Variants in PLPP4 observed in about 807,000 individuals in gnomAD.
The protein encoded by PLPP4 is phospholipid phosphatase 4.
In PLPP4, 20 loss-of-function variants were observed where a neutral mutation model predicts 32.2. The observed-to-expected ratio is 0.62, with a 90% CI of 0.44 to 0.90. The LOEUF (loss-of-function observed/expected upper bound fraction) is 0.90. Ranked by LOEUF, PLPP4 falls within the 40% of genes least tolerant of loss-of-function variation. The pLI, the probability that PLPP4 is intolerant of heterozygous loss-of-function variation, is 0.00. For missense variants in PLPP4, 257 were observed against 353.1 expected (o/e 0.73, Z 2.18); for synonymous variants, 127 against 133.0 (o/e 0.95, Z 0.31).
At position 120,526,716 on chromosome 10, in the gene PLPP4, A is replaced by G. The variant is rs571143916; in HGVS notation, c.445+5621A>G. On this transcript the variant is annotated intron_variant, in intron 5 of 6. Transcript: ENST00000398250. ...GTCTTCCTCAAAAGTTGGAAAGGGG[A>G]TGGTTTCCTGGCTTTGAAGGAGGGG... 1.1e-3 allele frequency among the ~76,000 whole-genome samples: 173 copies of G among 152,252 alleles called. 1 individual carries two copies. The highest frequency in any genetic ancestry group is 1.8e-3 in the Non-Finnish European group (123 of 68,014).
At chr10:120,521,963 A>G (rs1319753248) in intron 5 of PLPP4, among the ~76,000 whole-genome samples, 1 of 152,242 alleles carries the variant, frequency 6.6e-6, no homozygotes, top group African/African-American at 2.4e-5. Context: ...GGCTTGTGCC[A>G]TCATCCATTC....
intron 5 of PLPP4, among the ~76,000 whole-genome samples, chr10:120,558,532 G>A (rs1163765300): frequency 6.6e-6 from 1 of 150,714 alleles, no homozygotes; most frequent in Non-Finnish European, 1.5e-5. Flanking sequence ...TCTCCTGCCT[G>A]AGCCTCCTGA....
At chr10:120,461,517 T>A (rs2133770007) in intron 1 of PLPP4, among the ~76,000 whole-genome samples, 1 of 152,266 alleles carries the variant, frequency 6.6e-6, no homozygotes, top group African/African-American at 2.4e-5. Context: ...TGGCTCTCTG[T>A]CTGCAGGGTC....
intron 1 of PLPP4, among the ~76,000 whole-genome samples, chr10:120,497,500 A>G (rs1014131449): frequency 2.6e-5 from 4 of 152,118 alleles, no homozygotes; most frequent in Non-Finnish European, 5.9e-5. Context: ...TATAATTATA[A>G]GCTTTAAGGA....
In PLPP4 at chr10:120,457,323, T is replaced by C. The variant is rs1847828150; in HGVS notation, c.18T>C (p.Ile6=). MRELA[I]EIGVRALLFG... is the part of the protein sequence containing the mutation. Reference sequence around the variant, plus strand: ...GCCGCACCATGCGGGAGCTGGCCATTGAGATCGGGGTGCGAGCCCTGCTCT... The same window carrying C: ...GCCGCACCATGCGGGAGCTGGCCATCGAGATCGGGGTGCGAGCCCTGCTCT... The change falls in exon 1 of 7, where the codon ATT becomes ATC. Residue 6 remains isoleucine (I), a synonymous_variant. Transcript: ENST00000398250. 6.6e-7 allele frequency: 1 copy of C among 1,521,914 alleles called. No individual in the cohort carries two copies. Among genetic ancestry groups the C allele is most frequent in the Admixed American group, 2.1e-5 (1 of 48,614 alleles). The allele number at this position is 1,521,914 out of a possible 1,614,324, so 94.3% of individuals were successfully genotyped here.
At chr10:120,473,548 G>A (rs936323608) in intron 1 of PLPP4, among the ~76,000 whole-genome samples, 3 of 152,066 alleles carry the variant, frequency 2.0e-5, no homozygotes, top group Admixed American at 6.6e-5. Flanking sequence ...CAAATAATTT[G>A]AAGGAAATTT....
chr10:120,579,844 A>G (rs1849399303), intron 6 of PLPP4, among the ~76,000 whole-genome samples: 1 of 151,882 alleles, frequency 6.6e-6, no homozygotes, highest in Non-Finnish European at 1.5e-5. Context: ...GCGGTGGCTC[A>G]TGCCTGTAAT....
At chr10:120,458,741 T>G (rs1429919066) in intron 1 of PLPP4, among the ~76,000 whole-genome samples, 2 of 152,338 alleles carry the variant, frequency 1.3e-5, no homozygotes, top group East Asian at 3.9e-4. Flanking sequence ...CACTCTTCCC[T>G]TCTCCTACTC....
At chr10:120,543,733 G>A (rs1251704994) in intron 5 of PLPP4, among the ~76,000 whole-genome samples, 1 of 152,130 alleles carries the variant, frequency 6.6e-6, no homozygotes, top group Non-Finnish European at 1.5e-5. Flanking sequence ...TCATCTTGCA[G>A]AACTAAAACT....
At chr10:120,560,690 G>T (rs1045315465) in intron 5 of PLPP4, among the ~76,000 whole-genome samples, 2 of 152,176 alleles carry the variant, frequency 1.3e-5, no homozygotes, top group African/African-American at 4.8e-5. Context: ...ATGAGGCAGA[G>T]GTTGCAGTGA....
chr10:120,503,494 G>A, intron 1 of PLPP4: 1 of 1,545,864 alleles, frequency 6.5e-7, no homozygotes, highest in Non-Finnish European at 8.8e-7. Context: ...TGCTGCCCTG[G>A]CCTTGCCCTA....
In PLPP4 at chr10:120,518,713, A is replaced by G. The variant is rs186317309; in HGVS notation, c.257-120A>G. 331 of 761,828 alleles carry G rather than the reference A, an allele frequency of 4.3e-4. 1 individual carries two copies. In the African/African-American group the frequency reaches 5.4e-3, roughly 12 times the overall value. The allele number at this position is 761,828 out of a possible 1,614,324, so 47.2% of individuals were successfully genotyped here. A position where few individuals can be genotyped will look rare whatever the true frequency, so the allele number is the denominator to read the frequency against. ...ATCTCTGTTTTCAAAGTATTCGTTC[A>G]TATTTCTCTGGTCATTAAATAGTAT... On this transcript the variant is annotated intron_variant, in intron 3 of 6. Coordinates refer to ENST00000398250, the MANE Select transcript of PLPP4 (RefSeq NM_001030059.3).
chr10:120,462,669 G>A (rs1360553538), intron 1 of PLPP4, among the ~76,000 whole-genome samples: 1 of 152,198 alleles, frequency 6.6e-6, no homozygotes, highest in Non-Finnish European at 1.5e-5. Context: ...AGGGGCGGAC[G>A]GCCTGCTGAA....
At chr10:120,465,417 AT>A (rs775209973) in intron 1 of PLPP4, among the ~76,000 whole-genome samples, 2 of 152,198 alleles carry the variant, frequency 1.3e-5, no homozygotes, top group Non-Finnish European at 2.9e-5. Flanking sequence ...CAATATGTGA[AT>A]GTGAAACATT....
chr10:120,500,991 G>C (rs1394869623), intron 1 of PLPP4, among the ~76,000 whole-genome samples: 3 of 152,120 alleles, frequency 2.0e-5, no homozygotes, highest in African/African-American at 7.2e-5. Flanking sequence ...AGAATAGGAA[G>C]TTGAGGTAAG....
At chr10:120,497,929 A>G (rs1195484539) in intron 1 of PLPP4, among the ~76,000 whole-genome samples, 1 of 152,038 alleles carries the variant, frequency 6.6e-6, no homozygotes, top group Admixed American at 6.6e-5. Flanking sequence ...AGTCTCAGCT[A>G]CTCGGGAGCC....
At chr10:120,517,884 TATTCTTATATAA>T (rs1845995972) in intron 3 of PLPP4, among the ~76,000 whole-genome samples, 1 of 152,220 alleles carries the variant, frequency 6.6e-6, no homozygotes, top group African/African-American at 2.4e-5. Flanking sequence ...TTCACTGCTA[TATTCTTATATAA>T]ATCTCAGCTA....
chr10:120,515,003 G>A (rs945240915), intron 3 of PLPP4, among the ~76,000 whole-genome samples: 1 of 152,148 alleles, frequency 6.6e-6, no homozygotes, highest in Admixed American at 6.5e-5. Context: ...CCATGGTAAG[G>A]GAGTGAGTGT....
chr10:120,461,920 C>A (rs563485662), intron 1 of PLPP4, among the ~76,000 whole-genome samples: 1 of 152,172 alleles, frequency 6.6e-6, no homozygotes, highest in Non-Finnish European at 1.5e-5. Context: ...TTTACCTGGT[C>A]CAGGTGACTT....
Sources: allele counts gnomAD v4.1 joint callset (sites outside exome capture counted in the v4.1 genomes callset), GRCh38; gene constraint gnomAD v4.1.1; transcripts MANE v1.5; gene names NCBI Gene and HGNC (gene_info 2026-07-23, HGNC 2026-07-21).